Variants in CFDP1 observed in about 807,000 individuals in gnomAD.
The protein encoded by CFDP1 is chromatin remodeling protein CFDP1.
In CFDP1, 31 loss-of-function variants were observed where a neutral mutation model predicts 40.1. That is an observed-to-expected ratio of 0.77 (90% CI 0.58 to 1.04). The LOEUF is 1.04. CFDP1 is among the 50% of genes least tolerant of loss of function. The pLI is 0.00. For missense variants in CFDP1, 423 were observed against 343.4 expected, an observed-to-expected ratio of 1.23 and a Z score of -1.83; for synonymous variants, 167 against 120.0, an observed-to-expected ratio of 1.39 and a Z score of -2.56.
intron 5 of CFDP1, among the ~76,000 whole-genome samples, chr16:75,371,259 G>A (rs1871222118): frequency 6.6e-6 from 1 of 152,138 alleles, no homozygotes; most frequent in Admixed American, 6.6e-5. Flanking sequence ...AACCAGAAAT[G>A]TCTCTAGACA....
intron 6 of CFDP1, among the ~76,000 whole-genome samples, chr16:75,299,195 T>G (rs1278219546): frequency 6.6e-6 from 1 of 152,176 alleles, no homozygotes; most frequent in Non-Finnish European, 1.5e-5. Flanking sequence ...AATGACTGTC[T>G]CCGGTACAGG....
intron 5 of CFDP1, among the ~76,000 whole-genome samples, chr16:75,341,724 T>G (rs894473473): frequency 6.6e-6 from 1 of 152,086 alleles, no homozygotes; most frequent in Admixed American, 6.6e-5. Flanking sequence ...CCATAGCATT[T>G]CTGGGGGAGG....
At chr16:75,353,609 C>T (rs1275572846) in intron 5 of CFDP1, among the ~76,000 whole-genome samples, 5 of 151,770 alleles carry the variant, frequency 3.3e-5, no homozygotes, top group Non-Finnish European at 2.9e-5. Context: ...ATTAGCTGGG[C>T]GCGGTGGCGG....
intron 1 of CFDP1, among the ~76,000 whole-genome samples, chr16:75,417,099 A>T (rs1008852488): frequency 6.6e-6 from 1 of 152,146 alleles, no homozygotes; most frequent in African/African-American, 2.4e-5. Flanking sequence ...TGAACCCAGG[A>T]GGTCAAGGCT....
intron 4 of CFDP1, 55 bp downstream of exon 4, chr16:75,411,766 TAGAG>T (rs1238192096): frequency 7.2e-6 from 11 of 1,518,094 alleles, no homozygotes; most frequent in Admixed American, 1.8e-5. Context: ...TAACACCAGT[TAGAG>T]AGAGACGCTC....
intron 4 of CFDP1, among the ~76,000 whole-genome samples, chr16:75,400,946 G>C (rs929624901): frequency 6.6e-6 from 1 of 152,140 alleles, no homozygotes; most frequent in Non-Finnish European, 1.5e-5. Context: ...AAATGTCCTA[G>C]AAGTGAAGGA....
chr16:75,396,778 G>A (rs542697309), intron 4 of CFDP1, among the ~76,000 whole-genome samples: 1 of 150,670 alleles, frequency 6.6e-6, no homozygotes, highest in African/African-American at 2.4e-5. Context: ...GAGAGAAAGA[G>A]AAATGTTTAA....
chr16:75,427,476 C>A (rs1197148809), intron 1 of CFDP1, among the ~76,000 whole-genome samples: 1 of 152,154 alleles, frequency 6.6e-6, no homozygotes, highest in Non-Finnish European at 1.5e-5. Flanking sequence ...TGGTCTTGGA[C>A]TCCTGACCTT....
At chr16:75,378,483 T>C (rs1797529982) in intron 5 of CFDP1, among the ~76,000 whole-genome samples, 3 of 152,010 alleles carry the variant, frequency 2.0e-5, no homozygotes, top group African/African-American at 7.2e-5. Context: ...CAGATCAAAG[T>C]TTTAAAAAAT....
intron 5 of CFDP1, chr16:75,391,141 A>G (rs549322464): frequency 6.6e-6 from 1 of 152,354 alleles, no homozygotes; most frequent in East Asian, 1.9e-4. Flanking sequence ...TAATTATAGT[A>G]GCAAAGAGTA....
chr16:75,357,357 C>T (rs749010239), intron 5 of CFDP1, among the ~76,000 whole-genome samples: 5 of 152,106 alleles, frequency 3.3e-5, no homozygotes, highest in South Asian at 2.1e-4. Context: ...CGAGTTCAAG[C>T]GATTCTCCTA....
At chr16:75,420,250 T>C (rs1800159899) in intron 1 of CFDP1, among the ~76,000 whole-genome samples, 1 of 152,108 alleles carries the variant, frequency 6.6e-6, no homozygotes, top group African/African-American at 2.4e-5. Flanking sequence ...CAGACTGTTA[T>C]CACCCTGATT....
At chr16:75,369,989 G>A (rs1230397673) in intron 5 of CFDP1, among the ~76,000 whole-genome samples, 1 of 152,086 alleles carries the variant, frequency 6.6e-6, no homozygotes, top group Non-Finnish European at 1.5e-5. Context: ...GTCCAGGCTG[G>A]TCTCAAACTC....
intron 5 of CFDP1, among the ~76,000 whole-genome samples, chr16:75,323,433 C>CTTTT (rs398058379): frequency 0.016 from 2,223 of 142,266 alleles, 50 homozygotes; most frequent in African/African-American, 0.053. Context: ...TTTTACTTAA[C>CTTTT]TTTTTTTTTT....
intron 5 of CFDP1, among the ~76,000 whole-genome samples, chr16:75,332,290 C>G (rs916820219): frequency 6.6e-6 from 1 of 152,014 alleles, no homozygotes; most frequent in African/African-American, 2.4e-5. Context: ...TATGGTGAAA[C>G]CCCATCTCTA....
chr16:75,322,594 G>C (rs1316355470), intron 5 of CFDP1, among the ~76,000 whole-genome samples: 2 of 151,976 alleles, frequency 1.3e-5, no homozygotes, highest in African/African-American at 4.8e-5. Flanking sequence ...ACCTAGAAAA[G>C]GTACAGTAAA....
intron 5 of CFDP1, among the ~76,000 whole-genome samples, chr16:75,393,392 A>T (rs2078968488): frequency 6.6e-6 from 1 of 152,142 alleles, no homozygotes; most frequent in Non-Finnish European, 1.5e-5. Context: ...AGAGTATACT[A>T]GTATAACTCT....
intron 4 of CFDP1, among the ~76,000 whole-genome samples, chr16:75,395,854 A>G (rs1469100999): frequency 6.6e-6 from 1 of 151,540 alleles, no homozygotes; most frequent in African/African-American, 2.4e-5. Context: ...AATCTGAAAC[A>G]ATTATCTTCA....
intron 4 of CFDP1, among the ~76,000 whole-genome samples, chr16:75,398,760 A>G (rs1173638470): frequency 6.9e-6 from 1 of 145,294 alleles, no homozygotes; most frequent in African/African-American, 2.5e-5. Flanking sequence ...CGTGGGAGTA[A>G]GAAAACCTGT....
Sources: allele counts gnomAD v4.1 joint callset (sites outside exome capture counted in the v4.1 genomes callset), GRCh38; gene constraint gnomAD v4.1.1; transcripts MANE v1.5; gene names NCBI Gene and HGNC (gene_info 2026-07-23, HGNC 2026-07-21).